The following CNTN3 variants were observed in gnomAD, a reference collection of about 807,000 sequenced individuals.
CNTN3 encodes contactin 3, also known as contactin-3.
Under a neutral mutation model 119.1 loss-of-function variants are expected in CNTN3, and 60 were observed. That is an observed-to-expected ratio of 0.50 (90% CI 0.41 to 0.62). The LOEUF is 0.62. CNTN3 is among the 20% of genes least tolerant of loss of function. The pLI is 0.00. For missense variants in CNTN3, 1,101 were observed against 1,242.4 expected (o/e 0.89, Z 1.71); for synonymous variants, 450 against 438.7 (o/e 1.03, Z -0.32).
intron 2 of CNTN3, among the ~76,000 whole-genome samples, chr3:74,511,099 AT>A (rs1467003577): frequency 1.3e-5 from 2 of 152,168 alleles, no homozygotes; most frequent in Non-Finnish European, 2.9e-5. Context: ...GGATCAAAGA[AT>A]TTCAGGAGGG....
At chr3:74,599,165 T>C (rs1470652952) in intron 1 of CNTN3, among the ~76,000 whole-genome samples, 1 of 152,058 alleles carries the variant, frequency 6.6e-6, no homozygotes. Context: ...TTGTAGGTTA[T>C]TTATGGATTT....
At chr3:74,396,324 A>C (rs1465068118) in intron 5 of CNTN3, among the ~76,000 whole-genome samples, 3 of 152,218 alleles carry the variant, frequency 2.0e-5, no homozygotes, top group Non-Finnish European at 4.4e-5. Flanking sequence ...CTTGAAGAAA[A>C]TTAAAGGTGC....
chr3:74,350,569 G>A (rs1052978414), intron 11 of CNTN3, among the ~76,000 whole-genome samples: 2 of 152,034 alleles, frequency 1.3e-5, no homozygotes, highest in Admixed American at 6.6e-5. Flanking sequence ...CCCACTACTG[G>A]GTATCTACCC....
intron 5 of CNTN3, among the ~76,000 whole-genome samples, chr3:74,380,712 A>G (rs568467610): frequency 2.0e-5 from 3 of 152,318 alleles, no homozygotes; most frequent in African/African-American, 7.2e-5. Flanking sequence ...TCAGTTTGCA[A>G]GTGATACAAA....
chr3:74,528,624 A>G (rs1703653323), intron 1 of CNTN3, among the ~76,000 whole-genome samples: 1 of 151,938 alleles, frequency 6.6e-6, no homozygotes, highest in Non-Finnish European at 1.5e-5. Context: ...TCTGTCAAAG[A>G]GAAATAAAGA....
intron 1 of CNTN3, among the ~76,000 whole-genome samples, chr3:74,602,295 CAAAAAAAAAA>C (rs1167052275): frequency 1.5e-4 from 3 of 19,688 alleles, no homozygotes; most frequent in Middle Eastern, 0.05. Context: ...GACCTGGTCT[CAAAAAAAAAA>C]AAAAAAAAAA....
chr3:74,590,111 TA>T (rs566757603), intron 1 of CNTN3, among the ~76,000 whole-genome samples: 377 of 150,770 alleles, frequency 2.5e-3, no homozygotes, highest in Non-Finnish European at 4.1e-3. Flanking sequence ...AGTATAATAA[TA>T]AAAAAAAGTA....
intron 1 of CNTN3, among the ~76,000 whole-genome samples, chr3:74,525,459 G>C (rs1703606302): frequency 6.6e-6 from 1 of 151,732 alleles, no homozygotes; most frequent in Non-Finnish European, 1.5e-5. Flanking sequence ...TATCATCACG[G>C]AGAGAGGTGA....
chr3:74,592,554 T>G (rs1402481837), intron 1 of CNTN3, among the ~76,000 whole-genome samples: 1 of 151,888 alleles, frequency 6.6e-6, no homozygotes, highest in Admixed American at 6.6e-5. Flanking sequence ...ACCAGCACTT[T>G]TTCTAGTTCC....
chr3:74,460,445 T>A (rs1381425902), intron 4 of CNTN3, among the ~76,000 whole-genome samples: 11 of 151,992 alleles, frequency 7.2e-5, no homozygotes, highest in Non-Finnish European at 1.3e-4. Context: ...TATATTTAGG[T>A]CTTCTTTGAT....
intron 4 of CNTN3, among the ~76,000 whole-genome samples, chr3:74,461,661 C>G (rs1239941120): frequency 6.6e-6 from 1 of 151,920 alleles, no homozygotes; most frequent in Non-Finnish European, 1.5e-5. Flanking sequence ...TATTTCAATC[C>G]TTTTGTATCT....
chr3:74,362,093 G>C (rs1038509310), intron 10 of CNTN3, 53 bp from the exon 11 acceptor site: 37 of 1,587,026 alleles, frequency 2.3e-5, no homozygotes, highest in Non-Finnish European at 3.0e-5. Flanking sequence ...AAAACTTCTT[G>C]TCAATTTCAA....
intron 4 of CNTN3, among the ~76,000 whole-genome samples, chr3:74,474,409 G>A (rs1702617196): frequency 6.6e-6 from 1 of 152,144 alleles, no homozygotes; most frequent in African/African-American, 2.4e-5. Flanking sequence ...TGTGGACACT[G>A]GAGTTCAGGG....
chr3:74,538,925 C>T lies in CNTN3; in HGVS notation c.-80-17733G>A, dbSNP rs149378027. Reference sequence around the variant, plus strand: ...TGTGCCAATTATGCACAGCTGTTGCCCATTTTAACTGGGCAGTACCATGGT... The same window carrying T: ...TGTGCCAATTATGCACAGCTGTTGCTCATTTTAACTGGGCAGTACCATGGT... On this transcript the variant is annotated intron_variant, in intron 1 of 22. Transcript: ENST00000263665. Among the ~76,000 whole-genome samples the T allele has an allele frequency of 2.5e-3, 382 of 151,970 alleles. 3 individuals carry two copies. Among genetic ancestry groups the T allele is most frequent in the African/African-American group, 9.1e-3 (377 of 41,460 alleles).
intron 21 of CNTN3, 104 bp downstream of exon 21, chr3:74,267,161 TA>T: frequency 1.6e-6 from 1 of 614,462 alleles, no homozygotes; most frequent in Middle Eastern, 3.0e-4. Context: ...AAAATTAGAT[TA>T]CAGAAACCAT....
chr3:74,292,717 G>C (rs1388959760), intron 19 of CNTN3, among the ~76,000 whole-genome samples: 3 of 152,198 alleles, frequency 2.0e-5, no homozygotes, highest in African/African-American at 7.2e-5. Context: ...GGATCACAGA[G>C]TTTATGTAAT....
chr3:74,329,966 T>C (rs1703220685), intron 13 of CNTN3, among the ~76,000 whole-genome samples: 3 of 152,310 alleles, frequency 2.0e-5, no homozygotes, highest in South Asian at 2.1e-4. Flanking sequence ...AGAGATCTCA[T>C]GGCAGGAGAG....
intron 8 of CNTN3, among the ~76,000 whole-genome samples, chr3:74,367,750 T>C (rs1295739516): frequency 6.6e-6 from 1 of 152,130 alleles, no homozygotes; most frequent in Non-Finnish European, 1.5e-5. Flanking sequence ...GATTTCCTCA[T>C]CATATGAAGC....
Position 74,424,858 on chromosome 3 carries a change from T to TG in CNTN3, c.440dup (p.Pro148ThrfsTer14), listed in dbSNP as rs1160186744. 1.2e-6 allele frequency: 2 copies of TG among 1,613,526 alleles called. No homozygotes were observed. The highest frequency in any genetic ancestry group is 8.5e-7 in the Non-Finnish European group (1 of 1,179,674). ...AGCATGACTTACCTCCAGAGTGTGG[T>TG]GGGGGGCCGCAGAGCAGCACAACTC... On this transcript the variant is annotated frameshift_variant, in exon 5 of 23. Coordinates refer to ENST00000263665, the MANE Select transcript of CNTN3 (RefSeq NM_020872.3). LOFTEE classifies it high-confidence loss of function.
Sources: gnomAD v4.1 joint callset for allele counts (sites outside exome capture counted in the v4.1 genomes callset) on GRCh38, gnomAD v4.1.1 for gene constraint, MANE v1.5 for transcripts, NCBI Gene and HGNC (gene_info 2026-07-23, HGNC 2026-07-21) for gene names.